Variants in NFAM1 observed in about 807,000 individuals in gnomAD.
NFAM1 encodes NFAT activating protein with ITAM motif 1, also known as NFAT activation molecule 1.
Under a neutral mutation model 29.0 loss-of-function variants are expected in NFAM1, and 17 were observed. The observed-to-expected ratio is 0.59, with a 90% CI of 0.40 to 0.88. The LOEUF is 0.88. NFAM1 is among the 40% of genes least tolerant of loss of function. The pLI is 0.00. For missense variants in NFAM1, 324 were observed against 344.6 expected, an observed-to-expected ratio of 0.94 and a Z score of 0.47; for synonymous variants, 175 against 147.2, an observed-to-expected ratio of 1.19 and a Z score of -1.36.
upstream of NFAM1, among the ~76,000 whole-genome samples, chr22:42,435,074 G>T (rs1167061837): frequency 6.6e-6 from 1 of 152,248 alleles, no homozygotes; most frequent in African/African-American, 2.4e-5. Flanking sequence ...GCCTGACACT[G>T]CTCCAGGGGA....
intron 1 of NFAM1, among the ~76,000 whole-genome samples, chr22:42,425,954 C>CA (rs1165528841): frequency 6.6e-6 from 1 of 152,074 alleles, no homozygotes; most frequent in Non-Finnish European, 1.5e-5. Flanking sequence ...GGGAAGGGGC[C>CA]AGAGGGGGTA....
chr22:42,432,752 A>G (rs548479662), upstream of NFAM1, among the ~76,000 whole-genome samples: 2 of 152,258 alleles, frequency 1.3e-5, no homozygotes, highest in African/African-American at 4.8e-5. Flanking sequence ...AAACGACCAC[A>G]AGCATGTTCA....
At chr22:42,387,218 G>A (rs565500176) in intron 4 of NFAM1, 140 bp from the exon 5 acceptor site, 65 of 508,448 alleles carry the variant, frequency 1.3e-4, no homozygotes, top group Middle Eastern at 4.8e-4. Flanking sequence ...CTTTGCACCT[G>A]CCACCCCCTT....
intron 4 of NFAM1, among the ~76,000 whole-genome samples, chr22:42,397,284 A>G (rs1027465262): frequency 1.3e-5 from 2 of 152,172 alleles, no homozygotes; most frequent in African/African-American, 4.8e-5. Flanking sequence ...CCACATCTCC[A>G]GGAAAATTGT....
chr22:42,434,210 C>A (rs1376632100), upstream of NFAM1, among the ~76,000 whole-genome samples: 1 of 152,170 alleles, frequency 6.6e-6, no homozygotes, highest in Non-Finnish European at 1.5e-5. Context: ...TGCCTGTCTT[C>A]CTCCCCTCTC....
chr22:42,411,738 T>C lies in NFAM1; in HGVS notation c.122-2A>G, dbSNP rs753869947. 2 of 1,610,256 alleles carry C rather than the reference T, an allele frequency of 1.2e-6. No individual in the cohort carries two copies. The highest frequency in any genetic ancestry group is 2.2e-5 in the South Asian group (2 of 90,938). Reference sequence around the variant, plus strand: ...CGGTGTGGGTCACTGACTGTCCTCCTGGAGGGGAAGCAAAGGGAGAGAGCA... The same window carrying C: ...CGGTGTGGGTCACTGACTGTCCTCCCGGAGGGGAAGCAAAGGGAGAGAGCA... On this transcript the variant is annotated splice_acceptor_variant, in intron 1 of 5. Transcript: ENST00000329021. LOFTEE classifies it high-confidence loss of function.
At position 42,384,811 on chromosome 22, in the gene NFAM1, G is replaced by A. The variant is rs1204850611; in HGVS notation, c.*350C>T. ...TGAGGTGCAGGCTGGTGCCAAGAGA[G>A]CATGCTGCTCTGTCAGCATGAGGCA... On this transcript the variant is annotated 3_prime_UTR_variant, in exon 6 of 6. Transcript: ENST00000329021. 3.3e-5 allele frequency: 12 copies of A among 363,656 alleles called. No homozygotes were observed. The South Asian group carries it at 3.4e-4, about 10-fold the overall frequency. The allele number at this position is 363,656 out of a possible 1,614,324, so 22.5% of individuals were successfully genotyped here.
intron 1 of NFAM1, among the ~76,000 whole-genome samples, chr22:42,425,843 C>G (rs969861295): frequency 6.6e-6 from 1 of 152,192 alleles, no homozygotes; most frequent in Admixed American, 6.5e-5. Flanking sequence ...GTGCCTCAGG[C>G]GAGCTCAGTC....
At chr22:42,428,505 G>A (rs1221237818) in intron 1 of NFAM1, among the ~76,000 whole-genome samples, 1 of 152,004 alleles carries the variant, frequency 6.6e-6, no homozygotes, top group African/African-American at 2.4e-5. Context: ...TCAGTGGCAC[G>A]ATCTCAGCTC....
chr22:42,422,810 G>A (rs1477020226), intron 1 of NFAM1, among the ~76,000 whole-genome samples: 1 of 151,560 alleles, frequency 6.6e-6, no homozygotes, highest in Non-Finnish European at 1.5e-5. Context: ...AATTGGAGTG[G>A]GCAAAATGAA....
chr22:42,420,970 T>C (rs983843952), intron 1 of NFAM1, among the ~76,000 whole-genome samples: 3 of 152,094 alleles, frequency 2.0e-5, no homozygotes, highest in Middle Eastern at 3.4e-3. Context: ...TGGGGGACTG[T>C]TATTGTCACC....
At chr22:42,413,986 G>A (rs534841898) in intron 1 of NFAM1, among the ~76,000 whole-genome samples, 2 of 152,142 alleles carry the variant, frequency 1.3e-5, no homozygotes, top group African/African-American at 4.8e-5. Flanking sequence ...TCTGGGAGGT[G>A]GAGGTTGCAG....
intron 3 of NFAM1, among the ~76,000 whole-genome samples, chr22:42,399,152 C>T (rs1161383675): frequency 3.3e-5 from 5 of 152,086 alleles, no homozygotes; most frequent in Admixed American, 6.6e-5. Flanking sequence ...TGGAGAAGGT[C>T]AGCATAGGCC....
At chr22:42,435,278 T>G (rs374501219), upstream of NFAM1, among the ~76,000 whole-genome samples, 6 of 151,842 alleles carry the variant, frequency 4.0e-5, no homozygotes, top group East Asian at 9.6e-4. Flanking sequence ...AGGGGCCTCC[T>G]CGACACCAAG....
chr22:42,383,136 C>G lies in NFAM1; in HGVS notation c.*2025G>C, dbSNP rs767622007. On this transcript the variant is annotated 3_prime_UTR_variant, in exon 6 of 6. Coordinates refer to ENST00000329021, the MANE Select transcript of NFAM1 (RefSeq NM_145912.8). ...GCACAGTGGTAAAGTTTAACCCAGGCTCCCCTGTCTACCCCTGAAAAAGAC... is the reference window on the plus strand; with the variant it reads ...GCACAGTGGTAAAGTTTAACCCAGGGTCCCCTGTCTACCCCTGAAAAAGAC... 3 of 152,534 alleles carry G rather than the reference C, an allele frequency of 2.0e-5. No individual in the cohort carries two copies. Among genetic ancestry groups the G allele is most frequent in the Non-Finnish European group, 4.4e-5 (3 of 68,332 alleles). The allele number at this position is 152,534 out of a possible 1,614,324, so 9.4% of individuals were successfully genotyped here.
At position 42,417,460 on chromosome 22, in the gene NFAM1, C is replaced by A. The variant is rs754686219; in HGVS notation, c.122-5724G>T. On this transcript the variant is annotated intron_variant, in intron 1 of 5. Transcript: ENST00000329021. ...CAGGTCCTGGGGCGCAGGGAGGAAACGTCTCAAGGAGCCCCAGGTGTTTTC... is the reference window on the plus strand; with the variant it reads ...CAGGTCCTGGGGCGCAGGGAGGAAAAGTCTCAAGGAGCCCCAGGTGTTTTC... Among the ~76,000 whole-genome samples the A allele has an allele frequency of 3.3e-5, 5 of 152,140 alleles. No homozygotes were observed. The East Asian group carries it at 9.7e-4, about 29-fold the overall frequency.
In NFAM1 at chr22:42,386,970, T is replaced by C; in HGVS notation, c.753+19A>G. The C allele has an allele frequency of 7.2e-7, 1 of 1,391,430 alleles. No homozygotes were observed. The highest frequency in any genetic ancestry group is 9.8e-7 in the Non-Finnish European group (1 of 1,020,366). 86.2% of individuals were successfully genotyped at this position (1,391,430 alleles called of 1,614,324 possible). A position where few individuals can be genotyped will look rare whatever the true frequency, so the allele number is the denominator to read the frequency against. ...AGATGGAGCAAGAAGCCAGGCTTGG[T>C]GCCCCAGCGCCTGTGTACCTGGGAG... On this transcript the variant is annotated intron_variant, in intron 5 of 5. Coordinates refer to ENST00000329021, the MANE Select transcript of NFAM1 (RefSeq NM_145912.8).
At chr22:42,436,865 G>T, upstream of NFAM1, 1 of 347,868 alleles carries the variant, frequency 2.9e-6, no homozygotes, top group Non-Finnish European at 4.1e-6. Context: ...TAACCACTGC[G>T]CTCTCCTGCA....
chr22:42,384,672 G>A lies in NFAM1; in HGVS notation c.*489C>T, dbSNP rs529818729. On this transcript the variant is annotated 3_prime_UTR_variant, in exon 6 of 6. Transcript: ENST00000329021. ...TGCCTCGTGCCTCTGGCCCAGCTGGGTAGGTAGGGATTTGCATAGCTGCTC... is the reference window on the plus strand; with the variant it reads ...TGCCTCGTGCCTCTGGCCCAGCTGGATAGGTAGGGATTTGCATAGCTGCTC... 110 of 171,228 alleles carry A rather than the reference G, an allele frequency of 6.4e-4. 1 individual carries two copies. The highest frequency in any genetic ancestry group is 2.4e-3 in the African/African-American group (102 of 41,838). The allele number at this position is 171,228 out of a possible 1,614,324, so 10.6% of individuals were successfully genotyped here.
Sources: gnomAD v4.1 joint callset for allele counts (sites outside exome capture counted in the v4.1 genomes callset) on GRCh38, gnomAD v4.1.1 for gene constraint, MANE v1.5 for transcripts, NCBI Gene and HGNC (gene_info 2026-07-23, HGNC 2026-07-21) for gene names.